Variants in SLC13A1 observed in about 807,000 individuals in gnomAD.
SLC13A1 encodes solute carrier family 13 member 1, also known as Na(+)/sulfate cotransporter.
Under a neutral mutation model 70.0 loss-of-function variants are expected in SLC13A1, and 65 were observed. The observed-to-expected ratio is 0.93, with a 90% confidence interval of 0.76 to 1.14. The LOEUF is 1.14. Ranked by LOEUF, SLC13A1 falls within the 50% of genes most tolerant of loss-of-function variation. The probability of loss-of-function intolerance (pLI) is 0.00; values close to 1 mark genes in which losing one functional copy is unlikely to be tolerated. For missense variants in SLC13A1, 726 were observed against 717.8 expected, an observed-to-expected ratio of 1.01 and a Z score of -0.13; for synonymous variants, 275 against 250.5, an observed-to-expected ratio of 1.10 and a Z score of -0.92.
intron 1 of SLC13A1, among the ~76,000 whole-genome samples, chr7:123,195,435 C>T (rs1360535182): frequency 1.3e-5 from 2 of 151,304 alleles, no homozygotes; most frequent in Admixed American, 1.3e-4. Context: ...TTCTCTCCTC[C>T]CTCTTCTTTC....
At position 123,180,914 on chromosome 7, in the gene SLC13A1, C is replaced by A. The variant is rs967769434; in HGVS notation, c.228+59G>T. On this transcript the variant is annotated intron_variant, in intron 2 of 14. Transcript: ENST00000194130. ...TGCTCCCTTTAAAAATAACTTTTCT[C>A]AATGGAAATCTCAATACAAAACAGG... 3.2e-6 allele frequency: 5 copies of A among 1,538,498 alleles called. No individual in the cohort carries two copies. The Admixed American group carries it at 9.7e-5, about 30-fold the overall frequency.
chr7:123,130,282 C>G (rs1793710729), intron 8 of SLC13A1, among the ~76,000 whole-genome samples: 1 of 152,138 alleles, frequency 6.6e-6, no homozygotes, highest in Non-Finnish European at 1.5e-5. Context: ...CACTGCAGCA[C>G]TATTCACAAT....
At chr7:123,142,655 T>TTTTTTC (rs1794196073) in intron 7 of SLC13A1, among the ~76,000 whole-genome samples, 2 of 146,276 alleles carry the variant, frequency 1.4e-5, no homozygotes, top group Non-Finnish European at 3.0e-5. Flanking sequence ...TTTTTTTTTT[T>TTTTTTC]GATGGAGGCT....
intron 3 of SLC13A1, among the ~76,000 whole-genome samples, chr7:123,169,585 T>C (rs1795196223): frequency 6.6e-6 from 1 of 152,176 alleles, no homozygotes; most frequent in Non-Finnish European, 1.5e-5. Context: ...AATTTTCTCT[T>C]CAGAAACAGA....
At chr7:123,127,983 A>G (rs919476164) in intron 10 of SLC13A1, among the ~76,000 whole-genome samples, 2 of 151,300 alleles carry the variant, frequency 1.3e-5, no homozygotes, top group Non-Finnish European at 1.5e-5. Flanking sequence ...ATTTATATTG[A>G]CATATAGGAT....
At chr7:123,170,701 T>A (rs1795241425) in intron 3 of SLC13A1, among the ~76,000 whole-genome samples, 1 of 152,068 alleles carries the variant, frequency 6.6e-6, no homozygotes. Context: ...TGATCTTGGC[T>A]TACTGCGACC....
At position 123,125,580 on chromosome 7, in the gene SLC13A1, G is replaced by A. The variant is rs778371757; in HGVS notation, c.1229C>T (p.Thr410Ile). ...AAATGATACTCAACCAATTTCTCCT[G>A]TAGGTGTAGTTTTAGTCAGTGTCTT... The part of the protein sequence containing the change: ...PAKTLTKTTP[T>I]GEIVAFDYSP... Residue 410 changes from threonine (T) to isoleucine (I), a missense_variant, in exon 11 of 15, where the codon ACA becomes ATA. Transcript: ENST00000194130. 9 of 1,604,482 alleles carry A rather than the reference G, an allele frequency of 5.6e-6. No homozygotes were observed. Among genetic ancestry groups the A allele is most frequent in the Admixed American group, 1.7e-5 (1 of 57,998 alleles).
chr7:123,155,531 T>C (rs1794681022), intron 6 of SLC13A1, among the ~76,000 whole-genome samples: 1 of 152,090 alleles, frequency 6.6e-6, no homozygotes, highest in Non-Finnish European at 1.5e-5. Context: ...TTGCTCTTTT[T>C]TCTTTTTATT....
At chr7:123,172,857 T>C (rs950910341) in intron 2 of SLC13A1, among the ~76,000 whole-genome samples, 4 of 152,154 alleles carry the variant, frequency 2.6e-5, no homozygotes, top group African/African-American at 9.7e-5. Context: ...ATACTAGAAC[T>C]TTCTCTCCTA....
chr7:123,169,935 C>A (rs80165538), intron 3 of SLC13A1, among the ~76,000 whole-genome samples: 66 of 152,270 alleles, frequency 4.3e-4, no homozygotes, highest in Non-Finnish European at 9.1e-4. Flanking sequence ...TCTGAATATT[C>A]TGATTTATGC....
At chr7:123,157,271 T>C (rs1794742241) in intron 6 of SLC13A1, among the ~76,000 whole-genome samples, 1 of 152,094 alleles carries the variant, frequency 6.6e-6, no homozygotes, top group African/African-American at 2.4e-5. Context: ...GAGGAGTTGG[T>C]AGTAAAATTG....
chr7:123,146,446 C>T (rs1221977716), intron 7 of SLC13A1, among the ~76,000 whole-genome samples: 1 of 152,120 alleles, frequency 6.6e-6, no homozygotes, highest in Non-Finnish European at 1.5e-5. Flanking sequence ...AATCACTTGG[C>T]AAAAGTTGCA....
rs1177923059 is a variant in SLC13A1, at chr7:123,113,874, A to G, written c.*1644T>C. The G allele has an allele frequency of 1.3e-5, 2 of 152,140 alleles. No homozygotes were observed. The highest frequency in any genetic ancestry group is 4.8e-5 in the African/African-American group (2 of 41,452). The allele number at this position is 152,140 out of a possible 1,614,324, so 9.4% of individuals were successfully genotyped here. A position where few individuals can be genotyped will look rare whatever the true frequency, so the allele number is the denominator to read the frequency against. ...TATTATTTTAAAAACCCTCTTTACT[A>G]TATTTAGTTTCAAGAATAAGTTTGT... On this transcript the variant is annotated 3_prime_UTR_variant, in exon 15 of 15. Coordinates refer to ENST00000194130, the MANE Select transcript of SLC13A1 (RefSeq NM_022444.4).
In SLC13A1 at chr7:123,128,758, C is replaced by T. The variant is rs1410965049; in HGVS notation, c.1133+87G>A. 19 of 801,904 alleles carry T rather than the reference C, an allele frequency of 2.4e-5. No homozygotes were observed. In the African/African-American group the frequency reaches 2.8e-4, roughly 12 times the overall value. 49.7% of individuals were successfully genotyped at this position (801,904 alleles called of 1,614,324 possible). On this transcript the variant is annotated intron_variant, in intron 10 of 14. Coordinates refer to ENST00000194130, the MANE Select transcript of SLC13A1 (RefSeq NM_022444.4). ...AGGGAAAGAAAGAAAAATATCTCATCCAATCTTTCAGAATTACAGGAACCA... is the reference window on the plus strand; with the variant it reads ...AGGGAAAGAAAGAAAAATATCTCATTCAATCTTTCAGAATTACAGGAACCA...
At chr7:123,191,912 A>C (rs1215348338) in intron 1 of SLC13A1, among the ~76,000 whole-genome samples, 2 of 152,190 alleles carry the variant, frequency 1.3e-5, no homozygotes, top group Admixed American at 1.3e-4. Flanking sequence ...GGTCAGTAAC[A>C]TATTTGAGTG....
intron 8 of SLC13A1, 69 bp downstream of exon 8, chr7:123,134,341 G>A (rs1423348636): frequency 2.4e-5 from 35 of 1,451,304 alleles, no homozygotes; most frequent in Admixed American, 1.2e-4. Flanking sequence ...AAAGAGCATC[G>A]GATAAGAAGC....
At chr7:123,158,119 A>C (rs1255713584) in intron 6 of SLC13A1, among the ~76,000 whole-genome samples, 1 of 152,096 alleles carries the variant, frequency 6.6e-6, no homozygotes, top group Non-Finnish European at 1.5e-5. Context: ...AGTACTGAAC[A>C]TGCAAGAAAA....
At chr7:123,115,747 A>T in intron 14 of SLC13A1, 92 bp from the exon 15 acceptor site, 1 of 1,260,134 alleles carries the variant, frequency 7.9e-7, no homozygotes, top group Admixed American at 2.0e-5. Context: ...CCAAATTTAC[A>T]TGCATCCTAA....
intron 8 of SLC13A1, among the ~76,000 whole-genome samples, chr7:123,131,831 A>T (rs1235065620): frequency 2.0e-5 from 3 of 152,200 alleles, no homozygotes; most frequent in African/African-American, 7.2e-5. Flanking sequence ...TGCCTAGTGT[A>T]TGCACTTCAT....
Sources: gnomAD v4.1 joint callset for allele counts (sites outside exome capture counted in the v4.1 genomes callset) on GRCh38, gnomAD v4.1.1 for gene constraint, MANE v1.5 for transcripts, NCBI Gene and HGNC (gene_info 2026-07-23, HGNC 2026-07-21) for gene names.